VPS8: variants seen among roughly 807,000 people sequenced by gnomAD.
VPS8 encodes VPS8 subunit of CORVET complex, also known as vacuolar protein sorting-associated protein 8 homolog.
A neutral mutation model predicts 216.4 loss-of-function variants in VPS8; 129 were observed. The ratio of observed to expected loss-of-function variants is 0.60; its 90% CI spans 0.52 to 0.69. VPS8 has a LOEUF of 0.69. VPS8 is among the 30% of genes least tolerant of loss of function. The pLI is 0.00. For missense variants in VPS8, 1,531 were observed against 1,683.5 expected (o/e 0.91, Z 1.59); for synonymous variants, 571 against 565.4 (o/e 1.01, Z -0.14).
chr3:184,899,106 A>G (rs1734027515), intron 24 of VPS8, among the ~76,000 whole-genome samples: 1 of 152,136 alleles, frequency 6.6e-6, no homozygotes, highest in South Asian at 2.1e-4. Flanking sequence ...TTAATTGATC[A>G]TTTTTCACTT....
chr3:184,894,508 G>GTATA (rs756172890), intron 22 of VPS8, among the ~76,000 whole-genome samples, 195 bp from the exon 23 acceptor site: 1,807 of 133,094 alleles, frequency 0.014, 35 homozygotes, highest in African/African-American at 0.019. Context: ...ATATACACAC[G>GTATA]TATATATATA....
chr3:184,817,065 T>G (rs1308141632), intron 1 of VPS8: 1 of 152,072 alleles, frequency 6.6e-6, no homozygotes, highest in Non-Finnish European at 1.5e-5. Flanking sequence ...CATCTGAGAT[T>G]GTGGGATTTG....
intron 46 of VPS8, among the ~76,000 whole-genome samples, chr3:185,031,481 G>A (rs1337249115): frequency 1.3e-5 from 2 of 152,172 alleles, no homozygotes; most frequent in Non-Finnish European, 2.9e-5. Context: ...TTTGGTCTTT[G>A]TTTTTGCATC....
intron 45 of VPS8, among the ~76,000 whole-genome samples, chr3:185,017,894 C>G (rs1180962203): frequency 1.3e-5 from 2 of 152,040 alleles, no homozygotes; most frequent in African/African-American, 4.8e-5. Flanking sequence ...TAGAGTGACA[C>G]TGATTAGCCC....
chr3:184,870,312 T>C (rs946831257), intron 20 of VPS8, among the ~76,000 whole-genome samples: 1 of 152,094 alleles, frequency 6.6e-6, no homozygotes. Context: ...GTAAATGCAT[T>C]GGTAAAAATT....
intron 5 of VPS8, chr3:184,836,408 A>C: frequency 2.3e-6 from 1 of 430,644 alleles, no homozygotes; most frequent in Non-Finnish European, 4.6e-6. Context: ...AGTTTTAAAA[A>C]TATTTTGAGT....
At chr3:184,815,962 C>G (rs1241779767) in intron 1 of VPS8, 2 of 152,084 alleles carry the variant, frequency 1.3e-5, no homozygotes, top group Non-Finnish European at 2.9e-5. Flanking sequence ...GGAATCCTGT[C>G]TTTTGCGCAT....
intron 35 of VPS8, among the ~76,000 whole-genome samples, chr3:184,938,046 T>C (rs961110528): frequency 4.6e-5 from 7 of 152,090 alleles, no homozygotes; most frequent in African/African-American, 1.7e-4. Flanking sequence ...GAGAATGGAC[T>C]GGAAAGGAGA....
intron 46 of VPS8, among the ~76,000 whole-genome samples, chr3:185,032,447 A>C (rs2108458989): frequency 6.6e-6 from 1 of 152,240 alleles, no homozygotes; most frequent in South Asian, 2.1e-4. Flanking sequence ...AGAACCAGGT[A>C]TGAAGGAGTG....
At chr3:184,917,083 A>T (rs910007145) in intron 28 of VPS8, among the ~76,000 whole-genome samples, 2 of 152,180 alleles carry the variant, frequency 1.3e-5, no homozygotes, top group East Asian at 3.9e-4. Flanking sequence ...GAAGTACAGG[A>T]TGCTATAGGA....
intron 45 of VPS8, among the ~76,000 whole-genome samples, chr3:185,020,530 T>C (rs941927992): frequency 2.0e-5 from 3 of 151,852 alleles, no homozygotes; most frequent in Non-Finnish European, 4.4e-5. Context: ...GAGTACAGTG[T>C]TGTGATCATA....
At chr3:184,967,517 C>T (rs779527585) in intron 39 of VPS8, among the ~76,000 whole-genome samples, 1 of 151,954 alleles carries the variant, frequency 6.6e-6, no homozygotes, top group Non-Finnish European at 1.5e-5. Context: ...CATCATATTC[C>T]TTGATATTTC....
intron 45 of VPS8, among the ~76,000 whole-genome samples, chr3:185,021,906 A>G (rs768592321): frequency 1.3e-5 from 2 of 152,182 alleles, no homozygotes; most frequent in Non-Finnish European, 2.9e-5. Flanking sequence ...GTTTACCAGC[A>G]CCTCATTCTA....
At chr3:185,045,167 C>T (rs1490629608) in intron 46 of VPS8, among the ~76,000 whole-genome samples, 1 of 42,240 alleles carries the variant, frequency 2.4e-5, no homozygotes, top group Non-Finnish European at 4.4e-5. Context: ...ACCTTCATTG[C>T]CACCAGTGTC....
chr3:184,986,535 C>A (rs938156969), intron 42 of VPS8, among the ~76,000 whole-genome samples: 1 of 152,158 alleles, frequency 6.6e-6, no homozygotes, highest in Non-Finnish European at 1.5e-5. Flanking sequence ...CCGTGCTCCT[C>A]TTCCCCCTTC....
At chr3:185,000,549 G>T (rs1250938177) in intron 45 of VPS8, among the ~76,000 whole-genome samples, 1 of 151,234 alleles carries the variant, frequency 6.6e-6, no homozygotes, top group Non-Finnish European at 1.5e-5. Context: ...CTATCCTATA[G>T]TTGGCCTTCA....
At chr3:184,864,178 A>G (rs1302750258) in intron 16 of VPS8, among the ~76,000 whole-genome samples, 6 of 152,088 alleles carry the variant, frequency 3.9e-5, no homozygotes, top group Non-Finnish European at 7.4e-5. Flanking sequence ...AAGAAGAAGA[A>G]AAGTAAACAG....
intron 37 of VPS8, among the ~76,000 whole-genome samples, chr3:184,961,451 C>G (rs1369619631): frequency 6.6e-6 from 1 of 152,106 alleles, no homozygotes; most frequent in Non-Finnish European, 1.5e-5. Flanking sequence ...ACCCACCAAC[C>G]AAATTTTATA....
intron 38 of VPS8, among the ~76,000 whole-genome samples, chr3:184,966,308 A>G (rs1269504685): frequency 1.3e-5 from 2 of 152,152 alleles, no homozygotes; most frequent in Non-Finnish European, 2.9e-5. Context: ...TGACCCAGAC[A>G]CCTTTCACTG....
Sources: gnomAD v4.1 joint callset for allele counts (sites outside exome capture counted in the v4.1 genomes callset) on GRCh38, gnomAD v4.1.1 for gene constraint, MANE v1.5 for transcripts, NCBI Gene and HGNC (gene_info 2026-07-23, HGNC 2026-07-21) for gene names.